Variants in RANBP17 observed in about 807,000 individuals in gnomAD.
RANBP17 encodes the protein ran-binding protein 17.
RANBP17 carries 158 observed loss-of-function variants against 141.2 expected under a neutral mutation model. That is an observed-to-expected ratio of 1.12 (90% confidence interval 0.98 to 1.28). The LOEUF is 1.28. RANBP17 is among the 50% of genes most tolerant of loss of function. The pLI is 0.00. For synonymous variants in RANBP17, 430 were observed against 450.0 expected (o/e 0.96, Z 0.56); for missense variants, 1,438 against 1,290.7 (o/e 1.11, Z -1.75).
chr5:171,181,793 C>T (rs921292555), intron 16 of RANBP17, among the ~76,000 whole-genome samples: 4 of 152,156 alleles, frequency 2.6e-5, no homozygotes, highest in Admixed American at 2.6e-4. Flanking sequence ...GAAAATTAGC[C>T]TTGCAAGTTG....
At chr5:171,251,716 T>C (rs909710465) in intron 24 of RANBP17, 1 of 648,642 alleles carries the variant, frequency 1.5e-6, no homozygotes, top group Non-Finnish European at 2.7e-6. Context: ...CGGCTCGGGG[T>C]CCACCCGCGG....
chr5:171,208,042 T>A (rs536268029), intron 20 of RANBP17: 2 of 152,332 alleles, frequency 1.3e-5, no homozygotes, highest in South Asian at 4.1e-4. Context: ...CCGTCAGTGA[T>A]GATTTCCACA....
intron 14 of RANBP17, among the ~76,000 whole-genome samples, chr5:171,096,623 G>C (rs1382932168): frequency 6.6e-6 from 1 of 152,134 alleles, no homozygotes; most frequent in Non-Finnish European, 1.5e-5. Context: ...AAGGGTAAGA[G>C]AAAAAGATTA....
intron 4 of RANBP17, among the ~76,000 whole-genome samples, chr5:170,894,030 CT>C (rs1769890101): frequency 3.3e-5 from 5 of 152,090 alleles, no homozygotes. Context: ...CTGCTTCTGT[CT>C]TATCTATGTT....
intron 13 of RANBP17, among the ~76,000 whole-genome samples, chr5:170,956,702 G>A (rs1344354439): frequency 6.6e-6 from 1 of 151,506 alleles, no homozygotes; most frequent in Non-Finnish European, 1.5e-5. Flanking sequence ...TGCCTGCCTT[G>A]GCCTCCCAAA....
intron 1 of RANBP17, among the ~76,000 whole-genome samples, chr5:170,870,113 A>G (rs1164108098): frequency 1.3e-5 from 2 of 152,176 alleles, no homozygotes; most frequent in African/African-American, 4.8e-5. Flanking sequence ...CAGTTCTAAA[A>G]TTCAGTCCTC....
At chr5:171,101,152 C>T (rs533357155) in intron 14 of RANBP17, among the ~76,000 whole-genome samples, 1 of 152,218 alleles carries the variant, frequency 6.6e-6, no homozygotes, top group South Asian at 2.1e-4. Context: ...TCCTGAATAT[C>T]CTTGCTAATT....
At chr5:171,091,947 G>A (rs1281772413) in intron 14 of RANBP17, among the ~76,000 whole-genome samples, 2 of 152,244 alleles carry the variant, frequency 1.3e-5, no homozygotes, top group Admixed American at 6.5e-5. Flanking sequence ...CATATATGCA[G>A]GTTCCACAGG....
intron 14 of RANBP17, among the ~76,000 whole-genome samples, chr5:171,066,417 A>G (rs1027924123): frequency 1.3e-5 from 2 of 152,162 alleles, no homozygotes; most frequent in Admixed American, 6.5e-5. Context: ...TAGATTATGC[A>G]ATATTTACCT....
intron 25 of RANBP17, 68 bp from the exon 26 acceptor site, chr5:171,293,815 G>GA: frequency 8.5e-7 from 1 of 1,171,984 alleles, no homozygotes; most frequent in Non-Finnish European, 1.3e-6. Context: ...CTGAGCACAT[G>GA]AAAGGCCTGG....
At chr5:170,943,305 G>A (rs1774482361) in intron 12 of RANBP17, among the ~76,000 whole-genome samples, 2 of 152,054 alleles carry the variant, frequency 1.3e-5, no homozygotes, top group African/African-American at 2.4e-5. Flanking sequence ...TACAAAATAA[G>A]TTTATTATTA....
chr5:170,982,518 GAAGAA>G (rs1175300364), intron 14 of RANBP17, among the ~76,000 whole-genome samples: 2 of 152,148 alleles, frequency 1.3e-5, no homozygotes, highest in Non-Finnish European at 2.9e-5. Context: ...AGACATGATA[GAAGAA>G]ATTAAAACTT....
intron 22 of RANBP17, among the ~76,000 whole-genome samples, chr5:171,224,951 A>G (rs1291189370): frequency 1.3e-5 from 2 of 152,210 alleles, no homozygotes; most frequent in Admixed American, 6.5e-5. Flanking sequence ...CTCTTGCTTC[A>G]GTTTCTTGTT....
intron 14 of RANBP17, among the ~76,000 whole-genome samples, chr5:171,106,642 TTTA>T (rs1473171887): frequency 1.3e-5 from 2 of 152,208 alleles, no homozygotes; most frequent in East Asian, 3.8e-4. Context: ...TCGATTTGTC[TTTA>T]TTGTTAACTT....
intron 25 of RANBP17, chr5:171,284,430 TC>T (rs1271972160): frequency 2.6e-5 from 4 of 152,120 alleles, no homozygotes; most frequent in Non-Finnish European, 5.9e-5. Flanking sequence ...GGTCAAGCAA[TC>T]CTCCCACCTC....
At chr5:170,892,795 A>G (rs1769760878) in intron 4 of RANBP17, among the ~76,000 whole-genome samples, 1 of 152,222 alleles carries the variant, frequency 6.6e-6, no homozygotes, top group Non-Finnish European at 1.5e-5. Context: ...ATGTGTGTAC[A>G]TTTATGACAC....
At chr5:171,146,030 A>G (rs1346830486) in intron 14 of RANBP17, among the ~76,000 whole-genome samples, 2 of 152,196 alleles carry the variant, frequency 1.3e-5, no homozygotes, top group South Asian at 2.1e-4. Flanking sequence ...CCTTGCAACA[A>G]TCCCATAAAA....
chr5:171,011,578 A>T (rs930307802), intron 14 of RANBP17, among the ~76,000 whole-genome samples: 4 of 152,014 alleles, frequency 2.6e-5, no homozygotes, highest in African/African-American at 9.7e-5. Flanking sequence ...CATTTGTTTT[A>T]CCTCTCTCTT....
In RANBP17 at chr5:170,870,242, G is replaced by T. The variant is rs531785584; in HGVS notation, c.19-7855G>T. On this transcript the variant is annotated intron_variant, in intron 1 of 27. Coordinates refer to ENST00000523189, the MANE Select transcript of RANBP17 (RefSeq NM_022897.5). The stretch of plus-strand genomic sequence containing the variant: ...TTTTACTTTAAGTTCTGAGATACAC[G>T]TGCAGAACGTGCAGGTTTGTTACAT... Among the ~76,000 whole-genome samples, 7 of 152,186 alleles carry T rather than the reference G, an allele frequency of 4.6e-5. No homozygotes were observed. In the South Asian group the frequency reaches 1.5e-3, roughly 32 times the overall value.
Sources: gnomAD v4.1 joint callset for allele counts (sites outside exome capture counted in the v4.1 genomes callset) on GRCh38, gnomAD v4.1.1 for gene constraint, MANE v1.5 for transcripts, NCBI Gene and HGNC (gene_info 2026-07-23, HGNC 2026-07-21) for gene names.